Variants in LRRK1 observed in about 807,000 individuals in gnomAD.
The protein encoded by LRRK1 is leucine-rich repeat serine/threonine-protein kinase 1.
In LRRK1, 113 loss-of-function variants were observed where a neutral mutation model predicts 209.1. That is an observed-to-expected ratio of 0.54 (90% CI 0.46 to 0.63). LRRK1 has a LOEUF of 0.63. Ranked by LOEUF, LRRK1 falls within the 30% of genes least tolerant of loss-of-function variation. LRRK1 has a pLI of 0.00. For synonymous variants in LRRK1, 1,144 were observed against 1,099.7 expected, an observed-to-expected ratio of 1.04 and a Z score of -0.80; for missense variants, 2,284 against 2,632.2, an observed-to-expected ratio of 0.87 and a Z score of 2.89.
chr15:100,924,599 A>G lies in LRRK1; in HGVS notation c.-34A>G, dbSNP rs1596149052. The G allele has an allele frequency of 2.5e-6, 4 of 1,598,718 alleles. No homozygotes were observed. Among genetic ancestry groups the G allele is most frequent in the Admixed American group, 1.7e-5 (1 of 59,970 alleles). On this transcript the variant is annotated 5_prime_UTR_variant, in exon 2 of 34. Coordinates refer to ENST00000388948, the MANE Select transcript of LRRK1 (RefSeq NM_024652.6). ...CGGCAGTGGCAGTGACAACAGCGGG[A>G]CCTGCCTTTGAAGATCGGCTGCTGC...
chr15:100,941,164 CTATG>C, intron 2 of LRRK1, among the ~76,000 whole-genome samples: 1 of 148,356 alleles, frequency 6.7e-6, no homozygotes, highest in East Asian at 2.0e-4. Context: ...GTCTGCATAT[CTATG>C]TGTGTGTCTG....
chr15:101,040,067 C>T (rs1250209626), intron 20 of LRRK1, among the ~76,000 whole-genome samples: 1 of 152,150 alleles, frequency 6.6e-6, no homozygotes, highest in Non-Finnish European at 1.5e-5. Context: ...CAGACATAGG[C>T]TGTCTTCATA....
chr15:101,054,871 C>A, intron 26 of LRRK1, 75 bp from the exon 27 acceptor site: 1 of 1,253,548 alleles, frequency 8.0e-7, no homozygotes, highest in Non-Finnish European at 1.1e-6. Context: ...GACAAAAAGA[C>A]AGTTGTTATC....
At chr15:101,015,552 C>T (rs538154181) in intron 12 of LRRK1, 150 bp downstream of exon 12, 2 of 634,806 alleles carry the variant, frequency 3.2e-6, no homozygotes, top group East Asian at 2.8e-5. Flanking sequence ...AAATGAAAAC[C>T]CTGCATATGA....
chr15:101,023,732 A>G lies in LRRK1; in HGVS notation c.2068-1071A>G, dbSNP rs115751534. ...ACCACTTTCCAAACCTGCTTTGAAA[A>G]AGTAGGCATTGAAGCTGTGCATCTG... On this transcript the variant is annotated intron_variant, in intron 15 of 33. Coordinates refer to ENST00000388948, the MANE Select transcript of LRRK1 (RefSeq NM_024652.6). 5.0e-3 allele frequency among the ~76,000 whole-genome samples: 763 copies of G among 152,284 alleles called. 6 individuals carry two copies. The highest frequency in any genetic ancestry group is 0.018 in the African/African-American group (737 of 41,544).
At chr15:100,975,396 C>G (rs2031234431) in intron 3 of LRRK1, among the ~76,000 whole-genome samples, 1 of 152,186 alleles carries the variant, frequency 6.6e-6, no homozygotes, top group African/African-American at 2.4e-5. Context: ...GGTGGAAAAG[C>G]TGTTAAAGGC....
intron 20 of LRRK1, among the ~76,000 whole-genome samples, chr15:101,044,501 G>GA (rs1206362216): frequency 6.6e-6 from 1 of 152,202 alleles, no homozygotes; most frequent in African/African-American, 2.4e-5. Context: ...TAATTGCTCT[G>GA]AAACCCGGAG....
chr15:100,996,404 CA>C (rs1179054090), intron 6 of LRRK1, among the ~76,000 whole-genome samples: 7 of 152,246 alleles, frequency 4.6e-5, no homozygotes, highest in Non-Finnish European at 7.3e-5. Context: ...TGGCCTGTTC[CA>C]CAGTCGCTCG....
chr15:101,010,977 G>A (rs2033207640), intron 9 of LRRK1, 140 bp downstream of exon 9: 2 of 704,016 alleles, frequency 2.8e-6, no homozygotes, highest in Admixed American at 3.1e-5. Context: ...CACATTGTAA[G>A]CATCGTCACT....
Position 100,973,911 on chromosome 15 carries a change from G to A in LRRK1, c.205G>A (p.Gly69Ser), listed in dbSNP as rs2031127555. Residue 69 changes from glycine (G) to serine (S), a missense_variant, in exon 3 of 34, where the codon GGC becomes AGC. Gly to Ser is a moderately conservative substitution (Grantham distance 56). Coordinates refer to ENST00000388948, the MANE Select transcript of LRRK1 (RefSeq NM_024652.6). ...RAAYRRGDRG[G>S]ARDLLEEACD... ...CGCGTACAGGCGGGGAGACCGCGGC[G>A]GCGCCCGGGACCTGCTGGAGGAGGC... 7.9e-7 allele frequency: 1 copy of A among 1,267,644 alleles called. No individual in the cohort carries two copies. Among genetic ancestry groups the A allele is most frequent in the South Asian group, 2.9e-5 (1 of 35,072 alleles). 78.5% of individuals were successfully genotyped at this position (1,267,644 alleles called of 1,614,324 possible).
intron 10 of LRRK1, among the ~76,000 whole-genome samples, chr15:101,013,484 C>G (rs2033377809): frequency 6.6e-6 from 1 of 152,060 alleles, no homozygotes; most frequent in African/African-American, 2.4e-5. Flanking sequence ...CACGGCGACT[C>G]AGAACCGTAC....
intron 33 of LRRK1, among the ~76,000 whole-genome samples, chr15:101,067,085 G>A (rs1160910958): frequency 6.6e-6 from 1 of 152,178 alleles, no homozygotes; most frequent in African/African-American, 2.4e-5. Context: ...CTGCCAAGCA[G>A]GAAACCCTAC....
rs762350334 is a variant in LRRK1 at position 101,009,012 on chromosome 15, A to T, written c.938A>T (p.His313Leu). 6.2e-7 allele frequency: 1 copy of T among 1,613,616 alleles called. No individual in the cohort carries two copies. Residue 313 changes from histidine (H) to leucine (L), a missense_variant, in exon 7 of 34, where the codon CAC becomes CTC. Coordinates refer to ENST00000388948, the MANE Select transcript of LRRK1 (RefSeq NM_024652.6). ...CGGAAGCTGAACCTCTCCGACAACC[A>T]CCTGGGGGAGCTGCCTGGCGTGCAG... ...NLRKLNLSDN[H>L]LGELPGVQSS...
Position 101,014,301 on chromosome 15 carries a change from C to A in LRRK1, c.1420-15C>A, listed in dbSNP as rs2033425110. 4.4e-6 allele frequency: 7 copies of A among 1,577,034 alleles called. No individual in the cohort carries two copies. Among genetic ancestry groups the A allele is most frequent in the Non-Finnish European group, 5.2e-6 (6 of 1,148,998 alleles). On this transcript the variant is annotated splice_polypyrimidine_tract_variant and intron_variant, in intron 10 of 33. Transcript: ENST00000388948. ...ATGCTATCTTAGCTTCTCTCTCCCT[C>A]CCTCTCTCTCTCAGGCCCTCATGTT...
Position 100,993,228 on chromosome 15 carries a change from A to T in LRRK1, c.762+3830A>T, listed in dbSNP as rs571221303. Among the ~76,000 whole-genome samples, 9 of 152,124 alleles carry T rather than the reference A, an allele frequency of 5.9e-5. No individual in the cohort carries two copies. In the South Asian group the frequency reaches 1.9e-3, roughly 32 times the overall value. ...TACCTGTTTCTTGAGTTGAATATTT[A>T]TTTCTTCCTCCTTTTTCTCTAATTT... is the stretch of plus-strand genomic sequence containing the variant. On this transcript the variant is annotated intron_variant, in intron 6 of 33. Coordinates refer to ENST00000388948, the MANE Select transcript of LRRK1 (RefSeq NM_024652.6).
Position 100,924,661 on chromosome 15 carries a change from G to A in LRRK1, c.29G>A (p.Ser10Asn). MAGMSQRPP[S>N]MYWCVGPEES... is the part of the protein sequence containing the mutation. ...GCTGGCATGTCGCAAAGACCCCCCA[G>A]CATGTACTGGTGTGTGGGGCCGGAG... Residue 10 changes from serine to asparagine, a missense_variant, in exon 2 of 34, where the codon AGC becomes AAC. Physicochemically the swap from Ser to Asn is conservative, Grantham distance 46. Transcript: ENST00000388948. 1 of 1,614,194 alleles carries A rather than the reference G, an allele frequency of 6.2e-7. No individual in the cohort carries two copies. Among genetic ancestry groups the A allele is most frequent in the Non-Finnish European group, 8.5e-7 (1 of 1,180,036 alleles).
rs139594590 is a variant in LRRK1, at chr15:101,049,623, CT to C, written c.3300-17del. ...CCCAGAGCCAGATCGCAATGGGCTCCTTTTGGTCTCTGGATTGCAGTGTGGA... is the reference window on the plus strand; with the variant it reads ...CCCAGAGCCAGATCGCAATGGGCTCCTTTGGTCTCTGGATTGCAGTGTGGA... On this transcript the variant is annotated intron_variant, in intron 22 of 33. Coordinates refer to ENST00000388948, the MANE Select transcript of LRRK1 (RefSeq NM_024652.6). 1.2e-3 allele frequency: 1,954 copies of C among 1,611,794 alleles called. 23 individuals carry two copies. In the African/African-American group the frequency reaches 0.023, roughly 19 times the overall value.
intron 23 of LRRK1, among the ~76,000 whole-genome samples, chr15:101,051,196 T>G (rs968764423): frequency 2.6e-5 from 4 of 152,238 alleles, no homozygotes; most frequent in African/African-American, 9.6e-5. Context: ...GGAGGGTGTT[T>G]CTCTGCACCT....
intron 12 of LRRK1, among the ~76,000 whole-genome samples, chr15:101,016,977 C>T (rs1323339361): frequency 1.3e-5 from 2 of 152,142 alleles, no homozygotes; most frequent in Non-Finnish European, 2.9e-5. Context: ...CTTTTTGTTC[C>T]ATTATCTTCT....
Sources: gnomAD v4.1 joint callset for allele counts (sites outside exome capture counted in the v4.1 genomes callset) on GRCh38, gnomAD v4.1.1 for gene constraint, MANE v1.5 for transcripts, NCBI Gene and HGNC (gene_info 2026-07-23, HGNC 2026-07-21) for gene names.